The following DAB1 variants were observed in gnomAD, a reference collection of about 807,000 sequenced individuals.
DAB1 encodes the protein DAB adaptor protein 1.
In DAB1, 15 loss-of-function variants were observed where a neutral mutation model predicts 64.6. The ratio of observed to expected loss-of-function variants is 0.23; its 90% CI spans 0.16 to 0.36. The LOEUF is 0.36. Ranked by LOEUF, DAB1 falls within the 10% of genes least tolerant of loss-of-function variation. The pLI, the probability that DAB1 is intolerant of heterozygous loss-of-function variation, is 1.00. For synonymous variants in DAB1, 235 were observed against 251.9 expected (o/e 0.93, Z 0.64); for missense variants, 596 against 706.7 (o/e 0.84, Z 1.78).
chr1:58,487,463 T>C (rs1417076988), intron 3 of DAB1, among the ~76,000 whole-genome samples: 1 of 152,220 alleles, frequency 6.6e-6, no homozygotes, highest in Non-Finnish European at 1.5e-5. Context: ...CAAAACAAAA[T>C]CATTTATGCT....
chr1:58,421,460 A>C lies in DAB1; in HGVS notation n.258-78057T>G, dbSNP rs970836704. Among the ~76,000 whole-genome samples, 5 of 152,182 alleles carry C rather than the reference A, an allele frequency of 3.3e-5. No individual in the cohort carries two copies. In the East Asian group the frequency reaches 9.6e-4, roughly 29 times the overall value. ...CCTGCTCCTTAAAATGGACTGGCAG[A>C]AAAAAAAGTTCTTAATTTGTGTAGA... is the stretch of plus-strand genomic sequence containing the variant. On this transcript the variant is annotated intron_variant and non_coding_transcript_variant, in intron 3 of 20. Transcript: ENST00000485760.
At chr1:57,178,307 A>T (rs1354359387) in intron 2 of DAB1, among the ~76,000 whole-genome samples, 1 of 152,134 alleles carries the variant, frequency 6.6e-6, no homozygotes, top group Non-Finnish European at 1.5e-5. Context: ...ATGCAAAAAA[A>T]AAAAAAATGG....
chr1:57,974,095 G>A (rs1490393208), intron 5 of DAB1, among the ~76,000 whole-genome samples: 3 of 151,868 alleles, frequency 2.0e-5, no homozygotes, highest in East Asian at 1.9e-4. Flanking sequence ...CATGAAACAC[G>A]CCAAGCTCAT....
intron 4 of DAB1, among the ~76,000 whole-genome samples, chr1:58,325,147 A>G (rs532384559): frequency 9.4e-4 from 143 of 152,334 alleles, no homozygotes; most frequent in African/African-American, 3.0e-3. Context: ...CCTGGGGCCC[A>G]GGTGATAAAC....
chr1:58,159,869 T>A (rs1655427798), intron 4 of DAB1, among the ~76,000 whole-genome samples: 1 of 152,124 alleles, frequency 6.6e-6, no homozygotes, highest in Non-Finnish European at 1.5e-5. Flanking sequence ...ACACAGCTGG[T>A]GAAGTTAGAG....
chr1:56,998,600 AAC>A (rs1321969644), intron 14 of DAB1, among the ~76,000 whole-genome samples: 2 of 152,254 alleles, frequency 1.3e-5, no homozygotes, highest in African/African-American at 4.8e-5. Context: ...ACATTTTTCC[AAC>A]ACAGTTTCAT....
chr1:58,417,739 T>A (rs932907677), intron 3 of DAB1, among the ~76,000 whole-genome samples: 2 of 152,198 alleles, frequency 1.3e-5, no homozygotes, highest in Non-Finnish European at 2.9e-5. Context: ...AGATGCCACT[T>A]AGTGCAGTGG....
chr1:57,266,462 A>G lies in DAB1; in HGVS notation c.67+24502T>C, dbSNP rs1670596545. ...AATTCCTTTTGTTTAATAAACTTCT[A>G]ATCAACTTTTATGATCTAGGCCCAA... On this transcript the variant is annotated intron_variant, in intron 2 of 14. Coordinates refer to ENST00000371236, the MANE Select transcript of DAB1 (RefSeq NM_001365792.1). Among the ~76,000 whole-genome samples, 3 of 152,248 alleles carry G rather than the reference A, an allele frequency of 2.0e-5. No individual in the cohort carries two copies. The South Asian group carries it at 6.2e-4, about 32-fold the overall frequency.
chr1:57,440,858 T>C (rs1462267634), intron 7 of DAB1, among the ~76,000 whole-genome samples: 1 of 152,344 alleles, frequency 6.6e-6, no homozygotes, highest in East Asian at 1.9e-4. Context: ...TAGAGTTTCA[T>C]TTGTTTTTTT....
Position 57,222,034 on chromosome 1 carries a change from A to T in DAB1, c.67+68930T>A, listed in dbSNP as rs910111690. ...TGCTTTCCAAGGGCCAGGCACTGTTACGCCCTTTACAAATATTTTCTCATT... is the reference window on the plus strand; with the variant it reads ...TGCTTTCCAAGGGCCAGGCACTGTTTCGCCCTTTACAAATATTTTCTCATT... On this transcript the variant is annotated intron_variant, in intron 2 of 14. Coordinates refer to ENST00000371236, the MANE Select transcript of DAB1 (RefSeq NM_001365792.1). Among the ~76,000 whole-genome samples, 15 of 152,270 alleles carry T rather than the reference A, an allele frequency of 9.9e-5. No homozygotes were observed. In the East Asian group the frequency reaches 2.7e-3, roughly 27 times the overall value.
intron 1 of DAB1, among the ~76,000 whole-genome samples, chr1:57,330,360 AC>A (rs1389013808): frequency 6.6e-6 from 1 of 152,188 alleles, no homozygotes; most frequent in African/African-American, 2.4e-5. Context: ...TGTGTGTCGT[AC>A]CCAGGCTCCT....
intron 9 of DAB1, among the ~76,000 whole-genome samples, chr1:57,044,523 C>T (rs1029475685): frequency 1.3e-5 from 2 of 152,122 alleles, no homozygotes; most frequent in African/African-American, 2.4e-5. Context: ...GCTCTGGCCT[C>T]GGGCTTGTTT....
intron 4 of DAB1, among the ~76,000 whole-genome samples, chr1:58,199,699 T>C (rs1262301782): frequency 6.6e-6 from 1 of 152,218 alleles, no homozygotes; most frequent in Non-Finnish European, 1.5e-5. Context: ...GTAATTAGAA[T>C]TGCCTCTTAA....
intron 1 of DAB1, among the ~76,000 whole-genome samples, chr1:57,400,895 G>A (rs1302817727): frequency 2.0e-5 from 3 of 151,624 alleles, no homozygotes; most frequent in African/African-American, 7.3e-5. Context: ...TTGATTTGGG[G>A]AGATGTATTC....
chr1:58,219,404 A>T (rs1198455204), intron 4 of DAB1, among the ~76,000 whole-genome samples: 1 of 152,134 alleles, frequency 6.6e-6, no homozygotes, highest in Non-Finnish European at 1.5e-5. Context: ...TGGACATGCA[A>T]CACCTCTGGT....
intron 2 of DAB1, among the ~76,000 whole-genome samples, chr1:57,238,836 C>T (rs12040950): frequency 7.1e-6 from 1 of 140,412 alleles, no homozygotes; most frequent in East Asian, 2.1e-4. Context: ...GGCGTGTGCA[C>T]ATGCGCACAC....
At chr1:57,242,181 C>A (rs1668543086) in intron 2 of DAB1, among the ~76,000 whole-genome samples, 1 of 152,150 alleles carries the variant, frequency 6.6e-6, no homozygotes, top group Non-Finnish European at 1.5e-5. Context: ...ATTTTACAAG[C>A]CAACTCCAAG....
chr1:58,146,921 G>A (rs539428462), intron 5 of DAB1, among the ~76,000 whole-genome samples: 1 of 152,220 alleles, frequency 6.6e-6, no homozygotes, highest in South Asian at 2.1e-4. Flanking sequence ...CACCTGTTAG[G>A]ATGGCTATTA....
intron 7 of DAB1, among the ~76,000 whole-genome samples, chr1:57,431,155 AAAGAAAAAC>A (rs1339414648): frequency 9.2e-5 from 14 of 151,710 alleles, no homozygotes; most frequent in African/African-American, 2.4e-4. Flanking sequence ...AAAAAAAAAA[AAAGAAAAAC>A]AAAAAAAAAG....
Sources: allele counts gnomAD v4.1 joint callset (sites outside exome capture counted in the v4.1 genomes callset), GRCh38; gene constraint gnomAD v4.1.1; transcripts MANE v1.5; gene names NCBI Gene and HGNC (gene_info 2026-07-23, HGNC 2026-07-21).